The following TPCN1 variants were observed in gnomAD, a reference collection of about 807,000 sequenced individuals.
TPCN1 encodes two pore channel protein 1.
In TPCN1, 52 loss-of-function variants were observed where a neutral mutation model predicts 108.8. The ratio of observed to expected loss-of-function variants is 0.48; its 90% CI spans 0.38 to 0.60. TPCN1 has a LOEUF of 0.60. Among genes scored for constraint, TPCN1 ranks in the 20% least tolerant of loss-of-function variants. The pLI is 0.00. For synonymous variants in TPCN1, 446 were observed against 433.7 expected, an observed-to-expected ratio of 1.03 and a Z score of -0.35; for missense variants, 806 against 1,072.8, an observed-to-expected ratio of 0.75 and a Z score of 3.47.
In TPCN1 at chr12:113,284,484, A is replaced by C; in HGVS notation, c.1343-97A>C. ...AGCAGCCCTGTTCTCCCCATCCCGT[A>C]GAGCTCCAGGAAGTTAACCAGGGAC... On this transcript the variant is annotated intron_variant, in intron 15 of 27. Coordinates refer to ENST00000335509, the MANE Select transcript of TPCN1 (RefSeq NM_017901.6). This position sits in a 1 kb window ranked among gnomAD's most constrained non-coding sequence, Gnocchi z 4.1. 12 of 1,368,844 alleles carry C rather than the reference A, an allele frequency of 8.8e-6. No homozygotes were observed. Among genetic ancestry groups the C allele is most frequent in the South Asian group, 1.2e-5 (1 of 84,168 alleles). The allele number at this position is 1,368,844 out of a possible 1,614,324, so 84.8% of individuals were successfully genotyped here. A position where few individuals can be genotyped will look rare whatever the true frequency, so the allele number is the denominator to read the frequency against.
chr12:113,270,202 CAA>C (rs562040991), intron 7 of TPCN1, among the ~76,000 whole-genome samples: 1 of 138,966 alleles, frequency 7.2e-6, no homozygotes. Context: ...GACTTTGTCT[CAA>C]AAAAAAAAAG....
In TPCN1 at chr12:113,267,906, C is replaced by T. The variant is rs1399549244; in HGVS notation, c.478C>T (p.Arg160Cys). 1.5e-5 allele frequency: 24 copies of T among 1,614,026 alleles called. No homozygotes were observed. Among genetic ancestry groups the T allele is most frequent in the East Asian group, 2.2e-5 (1 of 44,900 alleles). ...VVVFELCMKL[R>C]WLGLHTFIRH... is the part of the protein sequence containing the mutation. Reference sequence around the variant, plus strand: ...AGTGTTTGAACTCTGCATGAAGTTACGCTGGCTGGGCCTCCACACCTTCAT... The same window carrying T: ...AGTGTTTGAACTCTGCATGAAGTTATGCTGGCTGGGCCTCCACACCTTCAT... The change falls in exon 5 of 28, where the codon CGC becomes TGC. Residue 160 changes from arginine to cysteine, a missense_variant. Arg to Cys is a radical substitution (Grantham distance 180). Coordinates refer to ENST00000335509, the MANE Select transcript of TPCN1 (RefSeq NM_017901.6).
intron 2 of TPCN1, 36 bp from the exon 3 acceptor site, chr12:113,260,332 G>A: frequency 8.1e-6 from 12 of 1,472,460 alleles, no homozygotes; most frequent in Non-Finnish European, 9.9e-6. Flanking sequence ...TCTTAAGCCT[G>A]GGTGCCAAGT....
chr12:113,278,165 C>T, intron 12 of TPCN1, 24 bp from the exon 13 acceptor site: 3 of 1,608,872 alleles, frequency 1.9e-6, no homozygotes, highest in Non-Finnish European at 2.6e-6. Context: ...GATATTTTGT[C>T]CCTTTTTATT....
intron 15 of TPCN1, 52 bp downstream of exon 15, chr12:113,280,247 T>C (rs1263904355): frequency 1.5e-5 from 22 of 1,508,316 alleles, no homozygotes; most frequent in Non-Finnish European, 1.9e-5. Context: ...AGTCCTTTGC[T>C]GTTCTAGAAG....
intron 15 of TPCN1, among the ~76,000 whole-genome samples, chr12:113,283,578 G>A (rs1334834117): frequency 6.6e-6 from 1 of 151,874 alleles, no homozygotes; most frequent in African/African-American, 2.4e-5. Flanking sequence ...ACGTTGCAGT[G>A]AGCCAAGATC....
intron 2 of TPCN1, among the ~76,000 whole-genome samples, chr12:113,245,296 G>A (rs1326414139): frequency 2.0e-5 from 3 of 151,018 alleles, no homozygotes; most frequent in Non-Finnish European, 3.0e-5. Flanking sequence ...AAAATAAAAA[G>A]GAGAGAGGTT....
At chr12:113,254,843 A>G (rs1348546562) in intron 2 of TPCN1, among the ~76,000 whole-genome samples, 3 of 152,216 alleles carry the variant, frequency 2.0e-5, no homozygotes, top group Admixed American at 2.0e-4. Flanking sequence ...GACAAAATGC[A>G]ACACCCATTC....
chr12:113,292,843 C>G, intron 25 of TPCN1, 91 bp from the exon 26 acceptor site: 1 of 1,443,304 alleles, frequency 6.9e-7, no homozygotes. Flanking sequence ...CCTTAAGACC[C>G]CCTGCGGAAG....
intron 3 of TPCN1, among the ~76,000 whole-genome samples, chr12:113,265,466 T>C (rs1955220554): frequency 3.3e-5 from 5 of 152,154 alleles, no homozygotes; most frequent in Admixed American, 3.3e-4. Flanking sequence ...TGGGCACTCC[T>C]AGAGGGAGAA....
chr12:113,275,860 G>A (rs907981266), intron 10 of TPCN1, among the ~76,000 whole-genome samples: 3 of 152,124 alleles, frequency 2.0e-5, no homozygotes, highest in Non-Finnish European at 2.9e-5. Flanking sequence ...ACAGGCCACC[G>A]TGCCCGGCCT....
chr12:113,287,106 G>T lies in TPCN1; in HGVS notation c.1634+12G>T, dbSNP rs746626176. The T allele has an allele frequency of 6.2e-7, 1 of 1,602,336 alleles. No individual in the cohort carries two copies. The highest frequency in any genetic ancestry group is 1.7e-4 in the Middle Eastern group (1 of 6,032). ...CTCCAGCTGCTGAGGTGATGGGCAGGGCAGAGCCGGAGACAGGGAGAAAGA... is the reference window on the plus strand; with the variant it reads ...CTCCAGCTGCTGAGGTGATGGGCAGTGCAGAGCCGGAGACAGGGAGAAAGA... On this transcript the variant is annotated intron_variant, in intron 19 of 27. Transcript: ENST00000335509.
At chr12:113,295,015 G>A (rs1236666899) in intron 27 of TPCN1, among the ~76,000 whole-genome samples, 1 of 152,246 alleles carries the variant, frequency 6.6e-6, no homozygotes, top group Non-Finnish European at 1.5e-5. Context: ...TCTTTGGGCT[G>A]ATGTGTAGTG....
chr12:113,223,404 G>A (rs532097000), intron 1 of TPCN1, among the ~76,000 whole-genome samples: 2 of 146,362 alleles, frequency 1.4e-5, no homozygotes, highest in African/African-American at 5.0e-5. Context: ...CTGTTTGCAA[G>A]TTCAAAGGTC....
chr12:113,285,273 G>T (rs1175823857), intron 17 of TPCN1, among the ~76,000 whole-genome samples: 1 of 152,194 alleles, frequency 6.6e-6, no homozygotes, highest in Non-Finnish European at 1.5e-5. Context: ...TGCACACCTG[G>T]TACCCAATGC....
chr12:113,277,446 T>C (rs7955036), intron 12 of TPCN1, 82 bp downstream of exon 12: 26 of 1,567,974 alleles, frequency 1.7e-5, no homozygotes, highest in Non-Finnish European at 2.2e-5. Context: ...TGAAGGCCCT[T>C]GAGGTGGGCA....
At chr12:113,281,080 C>T (rs1237971799) in intron 15 of TPCN1, among the ~76,000 whole-genome samples, 3 of 152,038 alleles carry the variant, frequency 2.0e-5, no homozygotes, top group East Asian at 3.9e-4. Context: ...GACAGAGTCT[C>T]ATTCTGTCGC....
At chr12:113,234,720 G>A (rs1183055555) in intron 2 of TPCN1, among the ~76,000 whole-genome samples, 6 of 152,130 alleles carry the variant, frequency 3.9e-5, no homozygotes, top group African/African-American at 9.7e-5. Flanking sequence ...GGGGCCTGCC[G>A]GACCAGGGGC....
intron 2 of TPCN1, among the ~76,000 whole-genome samples, chr12:113,252,861 G>C (rs529256006): frequency 1.3e-5 from 2 of 152,302 alleles, no homozygotes; most frequent in South Asian, 4.1e-4. Context: ...TTGGGATCAG[G>C]GTAGGGAATG....
Sources: gnomAD v4.1 joint callset for allele counts (sites outside exome capture counted in the v4.1 genomes callset) on GRCh38, gnomAD v4.1.1 for gene constraint, Gnocchi (gnomAD v3.1) non-coding constraint, MANE v1.5 for transcripts, NCBI Gene and HGNC (gene_info 2026-07-23, HGNC 2026-07-21) for gene names.